Variants in HEATR5A observed in about 807,000 individuals in gnomAD.
HEATR5A encodes the protein HEAT repeat containing 5A, also known as HEAT repeat-containing protein 5A.
A neutral mutation model predicts 218.8 loss-of-function variants in HEATR5A; 178 were observed. That is an observed-to-expected ratio of 0.81 (90% CI 0.72 to 0.92). The LOEUF (loss-of-function observed/expected upper bound fraction) is 0.92. Among genes scored for constraint, HEATR5A ranks in the 40% least tolerant of loss-of-function variants. The pLI, the probability that HEATR5A is intolerant of heterozygous loss-of-function variation, is 0.00. For synonymous variants in HEATR5A, 864 were observed against 871.6 expected, an observed-to-expected ratio of 0.99 and a Z score of 0.15; for missense variants, 2,420 against 2,418.9, an observed-to-expected ratio of 1.00 and a Z score of -0.01.
chr14:31,308,886 AAC>A (rs1566748650), intron 29 of HEATR5A, 46 bp downstream of exon 29: 4 of 1,515,886 alleles, frequency 2.6e-6, no homozygotes, highest in African/African-American at 2.8e-5. Context: ...AAAAAAAAAA[AAC>A]AAAAAACCCC....
chr14:31,359,729 C>CAAA (rs376157768), intron 14 of HEATR5A, among the ~76,000 whole-genome samples: 58 of 32,198 alleles, frequency 1.8e-3, no homozygotes, highest in Non-Finnish European at 2.8e-3. Flanking sequence ...CATCTCAAGA[C>CAAA]AAAAAAAAAA....
intron 11 of HEATR5A, among the ~76,000 whole-genome samples, chr14:31,377,201 A>G (rs1902261125): frequency 6.6e-6 from 1 of 151,942 alleles, no homozygotes; most frequent in Non-Finnish European, 1.5e-5. Flanking sequence ...GCTGATGGCA[A>G]GCCTAAGGCA....
intron 21 of HEATR5A, among the ~76,000 whole-genome samples, chr14:31,341,758 C>CT (rs1250511414): frequency 6.6e-6 from 1 of 151,014 alleles, no homozygotes; most frequent in Admixed American, 6.6e-5. Flanking sequence ...TCTCAATAAA[C>CT]TTTAATTAAT....
intron 29 of HEATR5A, among the ~76,000 whole-genome samples, chr14:31,308,502 TGTC>T (rs1899627562): frequency 9.2e-6 from 1 of 108,210 alleles, no homozygotes; most frequent in African/African-American, 3.2e-5. Flanking sequence ...AGCAAAACTC[TGTC>T]TAAAAAAAAA....
intron 26 of HEATR5A, 98 bp downstream of exon 26, chr14:31,318,126 G>A (rs911489134): frequency 2.8e-5 from 27 of 973,978 alleles, no homozygotes; most frequent in Middle Eastern, 4.4e-4. Flanking sequence ...TATGATTGAC[G>A]GTAAGACAAC....
In HEATR5A at chr14:31,334,668, C is replaced by A. The variant is rs190281195; in HGVS notation, c.3367+2808G>T. On this transcript the variant is annotated intron_variant, in intron 22 of 35. Transcript: ENST00000543095. ...TGTCTTATTTTAAGAAATGGCCAGC[C>A]GGGTGTGGTGGCTCACGCCTTTAGT... Among the ~76,000 whole-genome samples, 3 of 152,126 alleles carry A rather than the reference C, an allele frequency of 2.0e-5. No homozygotes were observed. In the East Asian group the frequency reaches 5.8e-4, roughly 29 times the overall value.
At chr14:31,385,920 G>C (rs1312339039) in intron 9 of HEATR5A, among the ~76,000 whole-genome samples, 1 of 151,960 alleles carries the variant, frequency 6.6e-6, no homozygotes, top group Non-Finnish European at 1.5e-5. Context: ...TAGAGACGGG[G>C]TTTTGCCATG....
intron 14 of HEATR5A, among the ~76,000 whole-genome samples, chr14:31,360,436 G>A (rs1901580968): frequency 6.6e-6 from 1 of 152,028 alleles, no homozygotes; most frequent in Admixed American, 6.6e-5. Context: ...GTTCATAAGT[G>A]GTATTGTGTT....
chr14:31,412,400 C>T (rs548818473), intron 1 of HEATR5A, among the ~76,000 whole-genome samples: 11 of 151,108 alleles, frequency 7.3e-5, no homozygotes, highest in Non-Finnish European at 1.5e-4. Flanking sequence ...TGAGCTCATC[C>T]TGGCCAACAT....
intron 33 of HEATR5A, among the ~76,000 whole-genome samples, chr14:31,299,639 C>T (rs559437126): frequency 6.6e-6 from 1 of 152,160 alleles, no homozygotes; most frequent in African/African-American, 2.4e-5. Flanking sequence ...AGGAGAATTG[C>T]TTGAACCTGG....
In HEATR5A at chr14:31,321,021, C is replaced by T. The variant is rs540324643; in HGVS notation, c.3969+478G>A. ...GTTAGCAGAGATACCTACTCATTTA[C>T]GAGGTGATATCCCAATTCGGTTCAT... On this transcript the variant is annotated intron_variant, in intron 25 of 35. Transcript: ENST00000543095. Among the ~76,000 whole-genome samples the T allele has an allele frequency of 5.9e-5, 9 of 152,272 alleles. No individual in the cohort carries two copies. In the East Asian group the frequency reaches 1.5e-3, roughly 26 times the overall value.
At chr14:31,369,500 A>G (rs537898618) in intron 13 of HEATR5A, among the ~76,000 whole-genome samples, 1 of 147,236 alleles carries the variant, frequency 6.8e-6, no homozygotes, top group African/African-American at 2.5e-5. Flanking sequence ...ATAATCCCTT[A>G]CTGGGGAGAC....
chr14:31,349,191 C>A lies in HEATR5A; in HGVS notation c.2708+598G>T, dbSNP rs187467710. Among the ~76,000 whole-genome samples, 8 of 152,182 alleles carry A rather than the reference C, an allele frequency of 5.3e-5. No individual in the cohort carries two copies. In the East Asian group the frequency reaches 1.5e-3, roughly 29 times the overall value. ...GAACACAAGGTCAGGAGTTCGAGAC[C>A]AGCCTGGCCAGCATGGAGAAACCCC... is the stretch of plus-strand genomic sequence containing the variant. On this transcript the variant is annotated intron_variant, in intron 18 of 35. Transcript: ENST00000543095.
Position 31,403,035 on chromosome 14 carries a change from C to G in HEATR5A, c.-60G>C. The G allele has an allele frequency of 6.9e-7, 1 of 1,444,824 alleles. No individual in the cohort carries two copies. The highest frequency in any genetic ancestry group is 9.2e-7 in the Non-Finnish European group (1 of 1,090,576). 89.5% of individuals were successfully genotyped at this position (1,444,824 alleles called of 1,614,324 possible). On this transcript the variant is annotated 5_prime_UTR_variant, in exon 2 of 36. Coordinates refer to ENST00000543095, the MANE Select transcript of HEATR5A (RefSeq NM_015473.4). ...TTCTCGTTAAACTTTGGTCAATATACCTAACAATAAAAATCTGCAATACAG... is the reference window on the plus strand; with the variant it reads ...TTCTCGTTAAACTTTGGTCAATATAGCTAACAATAAAAATCTGCAATACAG...
At position 31,304,983 on chromosome 14, in the gene HEATR5A, G is replaced by C; in HGVS notation, c.5161C>G (p.Leu1721Val). The change falls in exon 32 of 36, where the codon CTA (leucine) becomes GTA (valine). Residue 1721 changes from leucine (L) to valine (V), a missense_variant. Leu to Val is a conservative substitution (Grantham distance 32). Transcript: ENST00000543095. The stretch of plus-strand genomic sequence containing the variant: ...ACCAATCTACTTCCATCTTCTAATA[G>C]TATCTGTGGCTTCGTAGCTTTTACT... ...PGVKATKPQI[L>V]LEDGSRLVSA... 1 of 1,613,948 alleles carries C rather than the reference G, an allele frequency of 6.2e-7. No individual in the cohort carries two copies. The highest frequency in any genetic ancestry group is 8.5e-7 in the Non-Finnish European group (1 of 1,179,866).
At chr14:31,419,159 A>G (rs1157203877) in intron 1 of HEATR5A, among the ~76,000 whole-genome samples, 1 of 152,148 alleles carries the variant, frequency 6.6e-6, no homozygotes, top group African/African-American at 2.4e-5. Flanking sequence ...GTCTTTTCTT[A>G]TTCTCCTATT....
chr14:31,347,998 CT>C, intron 18 of HEATR5A, 91 bp from the exon 19 acceptor site: 3 of 738,226 alleles, frequency 4.1e-6, no homozygotes, highest in Non-Finnish European at 3.9e-6. Context: ...TTAGGCAAAA[CT>C]TTTTATATGG....
chr14:31,348,888 A>T (rs974258158), intron 18 of HEATR5A, among the ~76,000 whole-genome samples: 1 of 152,148 alleles, frequency 6.6e-6, no homozygotes, highest in Non-Finnish European at 1.5e-5. Context: ...TATCAATACT[A>T]CCACCACCAC....
At chr14:31,310,570 G>A (rs972532349) in intron 28 of HEATR5A, among the ~76,000 whole-genome samples, 1 of 152,098 alleles carries the variant, frequency 6.6e-6, no homozygotes, top group Non-Finnish European at 1.5e-5. Flanking sequence ...AACCCAGGAG[G>A]TGGAGGTTGC....
Sources: allele counts gnomAD v4.1 joint callset (sites outside exome capture counted in the v4.1 genomes callset), GRCh38; gene constraint gnomAD v4.1.1; transcripts MANE v1.5; gene names NCBI Gene and HGNC (gene_info 2026-07-23, HGNC 2026-07-21).